Variants in SMYD3 observed in about 807,000 individuals in gnomAD.
The protein encoded by SMYD3 is SET and MYND domain containing 3.
Under a neutral mutation model 57.7 loss-of-function variants are expected in SMYD3, and 36 were observed. That is an observed-to-expected ratio of 0.62 (90% CI 0.48 to 0.82). The LOEUF (loss-of-function observed/expected upper bound fraction) is 0.82. Ranked by LOEUF, SMYD3 falls within the 40% of genes least tolerant of loss-of-function variation. SMYD3 has a pLI of 0.00. For synonymous variants in SMYD3, 211 were observed against 195.0 expected, an observed-to-expected ratio of 1.08 and a Z score of -0.68; for missense variants, 515 against 538.8, an observed-to-expected ratio of 0.96 and a Z score of 0.44.
intron 5 of SMYD3, among the ~76,000 whole-genome samples, chr1:246,180,759 CAAAAAAAAAAAAAAAAAAAAAAAAAAA>C (rs61346746): frequency 3.4e-5 from 1 of 29,198 alleles, no homozygotes; most frequent in Non-Finnish European, 5.5e-5. Context: ...GACTCTGTCT[CAAAAAAAAAAAAAAAAAAAAAAAAAAA>C]AAAAAAAAAA....
At chr1:245,824,508 G>C (rs1006852134) in intron 10 of SMYD3, among the ~76,000 whole-genome samples, 4 of 152,174 alleles carry the variant, frequency 2.6e-5, no homozygotes, top group African/African-American at 9.7e-5. Flanking sequence ...CTTGAGGTCA[G>C]GAGTTCGAGA....
chr1:245,851,401 A>G (rs2050969146), intron 10 of SMYD3, among the ~76,000 whole-genome samples: 1 of 152,220 alleles, frequency 6.6e-6, no homozygotes. Context: ...ATCAACTATG[A>G]TCTATACATC....
chr1:246,071,143 T>C (rs2060435045), intron 5 of SMYD3, among the ~76,000 whole-genome samples: 2 of 152,150 alleles, frequency 1.3e-5, no homozygotes, highest in Admixed American at 6.5e-5. Flanking sequence ...AACATAGATA[T>C]CTAAGATGTG....
chr1:246,453,627 C>T (rs561839454), intron 1 of SMYD3, among the ~76,000 whole-genome samples: 26 of 152,096 alleles, frequency 1.7e-4, no homozygotes, highest in South Asian at 6.2e-4. Flanking sequence ...AAGGTATGAA[C>T]TGACTTAAAA....
chr1:245,777,909 A>C (rs1572309948), intron 10 of SMYD3, among the ~76,000 whole-genome samples: 1 of 152,208 alleles, frequency 6.6e-6, no homozygotes, highest in African/African-American at 2.4e-5. Flanking sequence ...CACATTATTT[A>C]AAATGTTCAG....
chr1:246,457,499 C>T (rs2067716441), intron 1 of SMYD3, among the ~76,000 whole-genome samples: 1 of 137,850 alleles, frequency 7.3e-6, no homozygotes, highest in Non-Finnish European at 1.5e-5. Context: ...TGCCACTGCA[C>T]TCCAGCCTGA....
intron 5 of SMYD3, among the ~76,000 whole-genome samples, chr1:245,935,063 T>C (rs1025860853): frequency 4.6e-5 from 7 of 152,076 alleles, no homozygotes; most frequent in Non-Finnish European, 2.9e-5. Flanking sequence ...ACAAATGGGG[T>C]TGCATCAAAC....
At chr1:246,294,721 C>T (rs554982651) in intron 5 of SMYD3, among the ~76,000 whole-genome samples, 1 of 152,236 alleles carries the variant, frequency 6.6e-6, no homozygotes, top group South Asian at 2.1e-4. Context: ...GCCTCAGTCT[C>T]CCAAGTAACT....
chr1:245,822,454 G>C (rs1442928829), intron 10 of SMYD3, among the ~76,000 whole-genome samples: 1 of 149,420 alleles, frequency 6.7e-6, no homozygotes. Flanking sequence ...GCTAGATGAC[G>C]AGTTAGTGGG....
intron 10 of SMYD3, chr1:245,789,089 C>T (rs934403759): frequency 6.6e-6 from 1 of 152,200 alleles, no homozygotes; most frequent in African/African-American, 2.4e-5. Flanking sequence ...GCACCAGGAG[C>T]TTTTGGAGTC....
At chr1:245,929,351 C>G (rs530170783) in intron 6 of SMYD3, among the ~76,000 whole-genome samples, 32 of 152,298 alleles carry the variant, frequency 2.1e-4, no homozygotes, top group South Asian at 1.0e-3. Context: ...GCCTATAGTG[C>G]TTGTGGAGAG....
At chr1:245,987,639 T>C (rs977373680) in intron 5 of SMYD3, among the ~76,000 whole-genome samples, 1 of 152,240 alleles carries the variant, frequency 6.6e-6, no homozygotes, top group African/African-American at 2.4e-5. Context: ...TTTATAAATA[T>C]GAAAACTAAG....
chr1:246,156,598 G>T (rs10924523), intron 5 of SMYD3, among the ~76,000 whole-genome samples: 34,182 of 152,082 alleles, frequency 0.22, 4,477 homozygotes, highest in African/African-American at 0.34. Flanking sequence ...AACCATTAGG[G>T]ATATAAAACC....
chr1:246,451,651 G>A (rs1031404213), intron 1 of SMYD3, among the ~76,000 whole-genome samples: 10 of 152,246 alleles, frequency 6.6e-5, no homozygotes, highest in Admixed American at 2.6e-4. Flanking sequence ...ATAATGTCAT[G>A]AGTAGAAGGT....
intron 8 of SMYD3, among the ~76,000 whole-genome samples, chr1:245,875,107 T>A (rs1389800871): frequency 6.6e-6 from 1 of 152,226 alleles, no homozygotes; most frequent in Non-Finnish European, 1.5e-5. Flanking sequence ...CATGTCTGCA[T>A]TTTTGATTCC....
intron 5 of SMYD3, among the ~76,000 whole-genome samples, chr1:246,083,082 C>T (rs192553516): frequency 9.2e-5 from 14 of 151,698 alleles, no homozygotes; most frequent in Admixed American, 2.6e-4. Context: ...AAGACCTGAC[C>T]GTCCCCCAGC....
chr1:245,776,083 T>C (rs2046578116), intron 10 of SMYD3, among the ~76,000 whole-genome samples: 1 of 152,236 alleles, frequency 6.6e-6, no homozygotes, highest in Admixed American at 6.5e-5. Context: ...AAAGCCTCTC[T>C]ACATCCACGA....
intron 4 of SMYD3, among the ~76,000 whole-genome samples, chr1:246,327,774 GA>G (rs997090981): frequency 3.3e-5 from 5 of 152,120 alleles, no homozygotes; most frequent in Non-Finnish European, 5.9e-5. Context: ...CAAAAAGACA[GA>G]AAATAAGAAC....
intron 10 of SMYD3, among the ~76,000 whole-genome samples, chr1:245,816,962 G>C (rs1205752159): frequency 9.9e-5 from 15 of 151,296 alleles, no homozygotes; most frequent in East Asian, 7.8e-4. Context: ...CGGCAGCGAG[G>C]CTGGGGGAGG....
Sources: allele counts gnomAD v4.1 joint callset (sites outside exome capture counted in the v4.1 genomes callset), GRCh38; gene constraint gnomAD v4.1.1; transcripts MANE v1.5; gene names NCBI Gene and HGNC (gene_info 2026-07-23, HGNC 2026-07-21).